Variants in FAM153A observed in about 807,000 individuals in gnomAD.
FAM153A encodes the protein protein FAM153A.
Under a neutral mutation model 48.1 loss-of-function variants are expected in FAM153A, and 12 were observed. That is an observed-to-expected ratio of 0.25 (90% confidence interval 0.16 to 0.40). The LOEUF is 0.40. Ranked by LOEUF, FAM153A falls within the 10% of genes least tolerant of loss-of-function variation. The pLI is 1.00. For missense variants in FAM153A, 111 were observed against 345.8 expected (o/e 0.32, Z 5.38); for synonymous variants, 36 against 118.2 (o/e 0.30, Z 4.51).
At chr5:177,709,216 T>G (rs1487704762), downstream of FAM153A, among the ~76,000 whole-genome samples, 3 of 145,194 alleles carry the variant, frequency 2.1e-5, no homozygotes, top group African/African-American at 7.6e-5. Flanking sequence ...ACACGGTAAC[T>G]GCTTCACTGC....
upstream of FAM153A, among the ~76,000 whole-genome samples, chr5:177,757,087 T>C (rs2127706197): frequency 1.3e-5 from 1 of 78,634 alleles, no homozygotes; most frequent in African/African-American, 4.6e-5. Flanking sequence ...GATAGACTGC[T>C]AGCAAGACTA....
At chr5:177,716,799 CTCT>C (rs1759896895) in intron 24 of FAM153A, among the ~76,000 whole-genome samples, 1 of 151,832 alleles carries the variant, frequency 6.6e-6, no homozygotes, top group South Asian at 2.1e-4. Flanking sequence ...AATAGATGAT[CTCT>C]TCTTTTTCTT....
intron 1 of FAM153A, among the ~76,000 whole-genome samples, chr5:177,752,672 G>A (rs867983486): frequency 0.032 from 2,518 of 78,622 alleles, no homozygotes; most frequent in African/African-American, 0.041. Context: ...GCTCATGCCT[G>A]TAATCCCATC....
chr5:177,768,964 C>T lies in FAM153A; in HGVS notation c.-57+11485G>A, dbSNP rs2127718223. Among the ~76,000 whole-genome samples the T allele has an allele frequency of 2.1e-5, 2 of 94,970 alleles. 1 individual carries two copies. Among genetic ancestry groups the T allele is most frequent in the African/African-American group, 8.4e-5 (2 of 23,708 alleles). 62.3% of individuals were successfully genotyped at this position (94,970 alleles called of 152,430 possible). On this transcript the variant is annotated intron_variant, in intron 1 of 8. Transcript: ENST00000393518. Reference sequence around the variant, plus strand: ...ACCAGCCGGGTGCAGTGGCTCACACCTGTAATCCCAGCACTTTGGGAGGCC... The same window carrying T: ...ACCAGCCGGGTGCAGTGGCTCACACTTGTAATCCCAGCACTTTGGGAGGCC...
At chr5:177,708,491 C>T (rs367555573), downstream of FAM153A, among the ~76,000 whole-genome samples, 1,393 of 150,358 alleles carry the variant, frequency 9.3e-3, 33 homozygotes, top group Admixed American at 0.056. Context: ...GTAGGAGAAT[C>T]GCTTGAACCC....
In FAM153A at chr5:177,749,504, A is replaced by G. The variant is rs1303540413; in HGVS notation, c.176-805T>C. Among the ~76,000 whole-genome samples, 36 of 101,712 alleles carry G rather than the reference A, an allele frequency of 3.5e-4. 3 individuals are homozygous for G. The highest frequency in any genetic ancestry group is 8.8e-4 in the East Asian group (3 of 3,404). The allele number at this position is 101,712 out of a possible 152,430, so 66.7% of individuals were successfully genotyped here. ...GAGGAATTATCCTTGCTGATCCCAT[A>G]ATCATTAAGAAAATAATAACAGAAT... On this transcript the variant is annotated intron_variant, in intron 2 of 20. Coordinates refer to ENST00000614127, the Ensembl canonical transcript of FAM153A.
exon 27 of FAM153A, chr5:177,712,060 G>A (rs1339456373): frequency 6.6e-6 from 1 of 151,450 alleles, no homozygotes; most frequent in Non-Finnish European, 1.5e-5. Flanking sequence ...TCTGATAAAG[G>A]GCTTATATCT....
the FAM153A span, among the ~76,000 whole-genome samples, chr5:177,699,991 T>C: frequency 1.3e-4 from 19 of 151,978 alleles, no homozygotes; most frequent in African/African-American, 3.4e-4. Context: ...TAGCAACATA[T>C]AAAGGGATGA....
downstream of FAM153A, chr5:177,722,950 A>C (rs1262028659): frequency 1.4e-5 from 2 of 147,868 alleles, no homozygotes; most frequent in Admixed American, 6.8e-5. Flanking sequence ...AGGAGGTCTC[A>C]TGACACAGGG....
intron 14 of FAM153A, among the ~76,000 whole-genome samples, 198 bp downstream of exon 16, chr5:177,734,182 A>C (rs1165504573): frequency 8.6e-6 from 1 of 116,860 alleles, no homozygotes; most frequent in Non-Finnish European, 1.9e-5. Context: ...TTCAGAGAAC[A>C]CAGCTGCTCC....
chr5:177,758,632 A>T (rs1767987779), intron 1 of FAM153A, among the ~76,000 whole-genome samples: 3 of 148,966 alleles, frequency 2.0e-5, no homozygotes. Flanking sequence ...ACAGAGATAT[A>T]GACCAATGGA....
At chr5:177,743,530 A>T (rs1373425220) in intron 6 of FAM153A, among the ~76,000 whole-genome samples, 1 of 124,074 alleles carries the variant, frequency 8.1e-6, no homozygotes, top group African/African-American at 3.1e-5. Context: ...GGTCAATATG[A>T]GGCCTCAATG....
In FAM153A at chr5:177,713,407, T is replaced by C. The variant is rs1463300581; in HGVS notation, c.*1392-237A>G. Among the ~76,000 whole-genome samples the C allele has an allele frequency of 2.6e-5, 4 of 151,334 alleles. No homozygotes were observed. The East Asian group carries it at 7.7e-4, about 29-fold the overall frequency. ...CTGGGACTAGAGGTGCCTGCCACCATGCCCAGCTAATTTTTTTTTTTTTGT... is the reference window on the plus strand; with the variant it reads ...CTGGGACTAGAGGTGCCTGCCACCACGCCCAGCTAATTTTTTTTTTTTTGT... On this transcript the variant is annotated intron_variant and NMD_transcript_variant, in intron 26 of 26. Transcript: ENST00000360669.
chr5:177,713,603 AGAT>A (rs1210451766), intron 26 of FAM153A: 8 of 151,398 alleles, frequency 5.3e-5, no homozygotes, highest in African/African-American at 2.0e-4. Flanking sequence ...GGTGCTGAGG[AGAT>A]GATGTTGGCC....
In FAM153A at chr5:177,766,164, T is replaced by TTA. The variant is rs1554160627; in HGVS notation, c.-57+14284_-57+14285insTA. ...CAAACAGAAAAACATGCCAATAGGATAAAAAAAAAAAAGAAAGACAAGTAC... is the reference window on the plus strand; with the variant it reads ...CAAACAGAAAAACATGCCAATAGGATTAAAAAAAAAAAAAGAAAGACAAGTAC... On this transcript the variant is annotated intron_variant, in intron 1 of 8. Transcript: ENST00000393518. Among the ~76,000 whole-genome samples the TTA allele has an allele frequency of 4.3e-5, 4 of 92,294 alleles. 1 individual carries two copies. Among genetic ancestry groups the TTA allele is most frequent in the Non-Finnish European group, 4.7e-5 (2 of 42,426 alleles). 60.5% of individuals were successfully genotyped at this position (92,294 alleles called of 152,430 possible). A position where few individuals can be genotyped will look rare whatever the true frequency, so the allele number is the denominator to read the frequency against.
intron 10 of FAM153A, among the ~76,000 whole-genome samples, chr5:177,738,408 C>G (rs559707503): frequency 6.6e-6 from 1 of 151,552 alleles, no homozygotes; most frequent in Admixed American, 6.5e-5. Context: ...GTACTTATTC[C>G]TACACTGAGT....
At chr5:177,707,606 C>T (rs530735341), downstream of FAM153A, among the ~76,000 whole-genome samples, 94 of 150,936 alleles carry the variant, frequency 6.2e-4, 1 homozygote, top group Non-Finnish European at 8.7e-4. Flanking sequence ...GGAAAGGTGA[C>T]GTCCCTGATT....
intron 25 of FAM153A, among the ~76,000 whole-genome samples, chr5:177,715,985 T>A (rs1759679321): frequency 6.6e-6 from 1 of 150,676 alleles, no homozygotes; most frequent in Admixed American, 6.6e-5. Flanking sequence ...TTAGATTAAA[T>A]ACTTTTTTTT....
At chr5:177,708,168 C>A, downstream of FAM153A, 1 of 153,644 alleles carries the variant, frequency 6.5e-6, no homozygotes. Context: ...CATGGTCTGG[C>A]TCAACAGGAA....
Sources: gnomAD v4.1 joint callset for allele counts (sites outside exome capture counted in the v4.1 genomes callset) on GRCh38, gnomAD v4.1.1 for gene constraint, MANE v1.5 for transcripts, NCBI Gene and HGNC (gene_info 2026-07-23, HGNC 2026-07-21) for gene names.